Variants in CUBN observed in about 807,000 individuals in gnomAD.
CUBN encodes the protein cubilin.
In CUBN, 282 loss-of-function variants were observed where a neutral mutation model predicts 405.3. That is an observed-to-expected ratio of 0.70 (90% CI 0.63 to 0.77). The LOEUF (loss-of-function observed/expected upper bound fraction) is 0.77, where lower values mean the gene tolerates loss of function less well. Among genes scored for constraint, CUBN ranks in the 30% least tolerant of loss-of-function variants. The pLI, the probability that CUBN is intolerant of heterozygous loss-of-function variation, is 0.00. For synonymous variants in CUBN, 1,684 were observed against 1,617.0 expected (o/e 1.04, Z -0.99); for missense variants, 4,514 against 4,475.2 (o/e 1.01, Z -0.25).
intron 27 of CUBN, among the ~76,000 whole-genome samples, chr10:17,034,430 T>C (rs1197971845): frequency 6.6e-6 from 1 of 152,128 alleles, no homozygotes; most frequent in Non-Finnish European, 1.5e-5. Context: ...GGCAAATGTA[T>C]GTTAACAAGA....
At position 16,839,762 on chromosome 10, in the gene CUBN, C is replaced by G. The variant is rs541887474; in HGVS notation, c.10032+568G>C. On this transcript the variant is annotated intron_variant, in intron 62 of 66. Coordinates refer to ENST00000377833, the MANE Select transcript of CUBN (RefSeq NM_001081.4). ...AATCATGCTGCTATAAAGACACATG[C>G]ACACGTATGTTTATTGCGGCACTAT... 6.9e-3 allele frequency among the ~76,000 whole-genome samples: 1,045 copies of G among 151,414 alleles called. 9 individuals are homozygous for G. Among genetic ancestry groups the G allele is most frequent in the African/African-American group, 0.024 (987 of 41,432 alleles).
At chr10:17,073,046 C>T (rs1320173816) in intron 17 of CUBN, among the ~76,000 whole-genome samples, 1 of 152,016 alleles carries the variant, frequency 6.6e-6, no homozygotes, top group African/African-American at 2.4e-5. Context: ...GAGATAATTC[C>T]CATGTATAAT....
Position 16,983,986 on chromosome 10 carries a change from G to A in CUBN, c.4525+119C>T. On this transcript the variant is annotated intron_variant, in intron 30 of 66. Coordinates refer to ENST00000377833, the MANE Select transcript of CUBN (RefSeq NM_001081.4). ...GGTATATGTCAGGTCTCAGTAGGCT[G>A]CCCTTTGGGATGTCACTAAGTTATA... The A allele has an allele frequency of 4.6e-6, 5 of 1,096,394 alleles. 1 individual carries two copies. In the South Asian group the frequency reaches 5.0e-5, roughly 11 times the overall value. 67.9% of individuals were successfully genotyped at this position (1,096,394 alleles called of 1,614,324 possible).
At chr10:16,873,542 T>G (rs1840417476) in intron 58 of CUBN, among the ~76,000 whole-genome samples, 1 of 151,750 alleles carries the variant, frequency 6.6e-6, no homozygotes, top group South Asian at 2.1e-4. Flanking sequence ...ACCAACATGG[T>G]GAAACCCCGT....
At chr10:17,018,880 C>T (rs182540368) in intron 28 of CUBN, among the ~76,000 whole-genome samples, 6 of 151,432 alleles carry the variant, frequency 4.0e-5, no homozygotes, top group Non-Finnish European at 7.4e-5. Flanking sequence ...TAGCTAGACA[C>T]AGAGCGCTGA....
intron 10 of CUBN, among the ~76,000 whole-genome samples, chr10:17,109,200 C>G (rs1836709456): frequency 6.6e-6 from 1 of 152,142 alleles, no homozygotes; most frequent in South Asian, 2.1e-4. Flanking sequence ...GGTTGTCACC[C>G]TAGATCTATT....
At chr10:16,997,432 T>TAAAA (rs11464946) in intron 28 of CUBN, among the ~76,000 whole-genome samples, 8 of 122,680 alleles carry the variant, frequency 6.5e-5, no homozygotes, top group African/African-American at 2.4e-4. Flanking sequence ...AGACTCCATC[T>TAAAA]AAAAAAAAAA....
At chr10:16,893,800 CAAAT>C in intron 54 of CUBN, among the ~76,000 whole-genome samples, 1 of 152,114 alleles carries the variant, frequency 6.6e-6, no homozygotes, top group Middle Eastern at 3.2e-3. Context: ...TCAGCTATTA[CAAAT>C]AAAGGTGCTA....
At chr10:16,995,909 G>T (rs966425278) in intron 28 of CUBN, among the ~76,000 whole-genome samples, 1 of 152,040 alleles carries the variant, frequency 6.6e-6, no homozygotes, top group Admixed American at 6.6e-5. Flanking sequence ...ATGATGTCAG[G>T]CCCATTGTAG....
chr10:16,985,855 G>C (rs1206667134), intron 29 of CUBN, among the ~76,000 whole-genome samples: 1 of 152,206 alleles, frequency 6.6e-6, no homozygotes, highest in Non-Finnish European at 1.5e-5. Context: ...CTCCCAAACT[G>C]TCTGTCTGAC....
At position 16,836,229 on chromosome 10, in the gene CUBN, C is replaced by T. The variant is rs375780887; in HGVS notation, c.10180+6G>A. 20 of 1,611,996 alleles carry T rather than the reference C, an allele frequency of 1.2e-5. No homozygotes were observed. The highest frequency in any genetic ancestry group is 2.2e-5 in the South Asian group (2 of 90,998). ...TTTGAATAAAAGATGAAGTTCCTGG[C>T]CTCACCTGCAATCTGATAGGTGAAA... On this transcript the variant is annotated splice_donor_region_variant and intron_variant, in intron 63 of 66. Coordinates refer to ENST00000377833, the MANE Select transcript of CUBN (RefSeq NM_001081.4).
At chr10:16,896,643 A>C (rs1378722827) in intron 54 of CUBN, among the ~76,000 whole-genome samples, 2 of 152,280 alleles carry the variant, frequency 1.3e-5, no homozygotes, top group East Asian at 3.9e-4. Flanking sequence ...CTGAACTTAC[A>C]TTTCTTTGTG....
intron 33 of CUBN, among the ~76,000 whole-genome samples, chr10:16,951,201 A>C (rs72773227): frequency 0.19 from 28,345 of 152,102 alleles, 2,966 homozygotes; most frequent in Non-Finnish European, 0.24. Flanking sequence ...CTTTATCTAC[A>C]GCTCAGTTTC....
chr10:16,985,219 C>CT (rs1237316526), intron 29 of CUBN, among the ~76,000 whole-genome samples: 2 of 152,350 alleles, frequency 1.3e-5, no homozygotes, highest in East Asian at 1.9e-4. Context: ...AAACCTCCAA[C>CT]TCCAGGCTCC....
chr10:17,117,103 A>C (rs1836919833), intron 6 of CUBN, among the ~76,000 whole-genome samples: 1 of 152,174 alleles, frequency 6.6e-6, no homozygotes, highest in Admixed American at 6.5e-5. Flanking sequence ...TTAAAATTAA[A>C]GAGAAATTGA....
At chr10:17,081,413 A>G (rs575243906) in intron 17 of CUBN, among the ~76,000 whole-genome samples, 19 of 152,320 alleles carry the variant, frequency 1.2e-4, no homozygotes, top group Admixed American at 2.6e-4. Flanking sequence ...TTACTCATCA[A>G]TGGAGTCAGT....
intron 6 of CUBN, among the ~76,000 whole-genome samples, chr10:17,118,083 TC>T (rs1836947334): frequency 6.6e-6 from 1 of 152,192 alleles, no homozygotes; most frequent in African/African-American, 2.4e-5. Context: ...ATCTCTCTCT[TC>T]CTTCATCCTT....
Position 16,888,451 on chromosome 10 carries a change from C to CCAG in CUBN, c.8870_8871insCTG (p.Val2957_Val2958insTrp). On this transcript the variant is annotated inframe_insertion, in exon 56 of 67. Transcript: ENST00000377833. ...GGAAGGACACAAAAGTCAAGAGGAC[C>CCAG]ACTGACAGAGGATTAGCCTCTATGA... The CCAG allele has an allele frequency of 6.2e-7, 1 of 1,613,378 alleles. No homozygotes were observed. The highest frequency in any genetic ancestry group is 8.5e-7 in the Non-Finnish European group (1 of 1,179,476).
intron 36 of CUBN, among the ~76,000 whole-genome samples, chr10:16,946,449 A>T (rs1336874408): frequency 6.6e-6 from 1 of 151,756 alleles, no homozygotes; most frequent in Non-Finnish European, 1.5e-5. Flanking sequence ...AAGTTTAAGT[A>T]AGTTTAAGTT....
Sources: gnomAD v4.1 joint callset for allele counts (sites outside exome capture counted in the v4.1 genomes callset) on GRCh38, gnomAD v4.1.1 for gene constraint, MANE v1.5 for transcripts, NCBI Gene and HGNC (gene_info 2026-07-23, HGNC 2026-07-21) for gene names.